ANKRD13D: variants seen among roughly 807,000 people sequenced by gnomAD.
ANKRD13D encodes the protein ankyrin repeat domain 13D.
Under a neutral mutation model 68.8 loss-of-function variants are expected in ANKRD13D, and 24 were observed. The observed-to-expected ratio is 0.35, with a 90% confidence interval of 0.25 to 0.49. The LOEUF is 0.49. Among genes scored for constraint, ANKRD13D ranks in the 20% least tolerant of loss-of-function variants. The pLI, the probability that ANKRD13D is intolerant of heterozygous loss-of-function variation, is 0.99. For synonymous variants in ANKRD13D, 331 were observed against 336.1 expected (o/e 0.98, Z 0.16); for missense variants, 735 against 832.1 (o/e 0.88, Z 1.44).
In ANKRD13D at chr11:67,299,173, G is replaced by A; in HGVS notation, c.798+49G>A. The A allele has an allele frequency of 6.3e-7, 1 of 1,592,662 alleles. No individual in the cohort carries two copies. Among genetic ancestry groups the A allele is most frequent in the Non-Finnish European group, 8.6e-7 (1 of 1,163,220 alleles). On this transcript the variant is annotated intron_variant, in intron 7 of 14. Transcript: ENST00000511455. This position sits in a 1 kb window ranked among gnomAD's most constrained non-coding sequence, Gnocchi z 6.2. The stretch of plus-strand genomic sequence containing the variant: ...GCTGGGGGTAGGAGATGAGGTCCAG[G>A]AACTCAGCTCCTCTCCACATCCATC...
At position 67,289,385 on chromosome 11, in the gene ANKRD13D, G is replaced by C; in HGVS notation, c.-76G>C. 9.0e-7 allele frequency: 1 copy of C among 1,105,390 alleles called. No individual in the cohort carries two copies. The highest frequency in any genetic ancestry group is 1.1e-6 in the Non-Finnish European group (1 of 881,986). The allele number at this position is 1,105,390 out of a possible 1,614,324, so 68.5% of individuals were successfully genotyped here. ...GCCGCGGGGGGCGCAGCTGGGGCGC[G>C]GCTCGGAGGGGAGGCTAGGGGGCCG... On this transcript the variant is annotated 5_prime_UTR_variant, in exon 1 of 15. Coordinates refer to ENST00000511455, the MANE Select transcript of ANKRD13D (RefSeq NM_207354.3).
In ANKRD13D at chr11:67,289,360, G is replaced by A. The variant is rs950099287; in HGVS notation, c.-101G>A. 1.3e-4 allele frequency: 110 copies of A among 847,486 alleles called. No individual in the cohort carries two copies. The highest frequency in any genetic ancestry group is 1.6e-4 in the Non-Finnish European group (108 of 674,158). 52.5% of individuals were successfully genotyped at this position (847,486 alleles called of 1,614,324 possible). ...CGCCGCCGCCGCTACTGCTGCGGGG[G>A]CCGCGGGGGGCGCAGCTGGGGCGCG... On this transcript the variant is annotated 5_prime_UTR_variant, in exon 1 of 15. Coordinates refer to ENST00000511455, the MANE Select transcript of ANKRD13D (RefSeq NM_207354.3).
In ANKRD13D at chr11:67,299,508, C is replaced by A. The variant is rs565975198; in HGVS notation, c.799-22C>A. 6.1e-5 allele frequency: 95 copies of A among 1,547,190 alleles called. No individual in the cohort carries two copies. The highest frequency in any genetic ancestry group is 7.4e-5 in the Non-Finnish European group (85 of 1,144,174). On this transcript the variant is annotated intron_variant, in intron 7 of 14. Coordinates refer to ENST00000511455, the MANE Select transcript of ANKRD13D (RefSeq NM_207354.3). This position sits in a 1 kb window ranked among gnomAD's most constrained non-coding sequence, Gnocchi z 6.2. ...GGGAGCAGGCTCTGAGCCCCCAGCT[C>A]CCCGTGTCCCCTGCTCCCCAGGTGT...
At position 67,300,291 on chromosome 11, in the gene ANKRD13D, G is replaced by A; in HGVS notation, c.1073+168G>A. 1 of 948,278 alleles carries A rather than the reference G, an allele frequency of 1.1e-6. No individual in the cohort carries two copies. The highest frequency in any genetic ancestry group is 1.5e-6 in the Non-Finnish European group (1 of 660,384). The allele number at this position is 948,278 out of a possible 1,614,324, so 58.7% of individuals were successfully genotyped here. A position where few individuals can be genotyped will look rare whatever the true frequency, so the allele number is the denominator to read the frequency against. On this transcript the variant is annotated intron_variant, in intron 10 of 14. Transcript: ENST00000511455. The surrounding 1 kb of genome is among the most constrained non-coding windows in gnomAD (Gnocchi z 4.3). ...CCTTATCCATGGTCCTCAGCCCTTA[G>A]CAAGGGGCTTGGCACAGAAAACCGG...
At chr11:67,294,053 G>C (rs376674607) in intron 6 of ANKRD13D, among the ~76,000 whole-genome samples, 1 of 152,056 alleles carries the variant, frequency 6.6e-6, no homozygotes, top group Non-Finnish European at 1.5e-5. Flanking sequence ...TAGATAAATT[G>C]GTTACTTTCT....
At position 67,290,078 on chromosome 11, in the gene ANKRD13D, CACG is replaced by C; in HGVS notation, c.94_96del (p.Asp32del). On this transcript the variant is annotated inframe_deletion and splice_region_variant, in exon 2 of 15. Coordinates refer to ENST00000511455, the MANE Select transcript of ANKRD13D (RefSeq NM_207354.3). Reference sequence around the variant, plus strand: ...TTTGTGAGTGTCCCGTCTCCCCCAGCACGACATTGAACAGGAGGACCCCCGCGG... The same window carrying C: ...TTTGTGAGTGTCCCGTCTCCCCCAGCACATTGAACAGGAGGACCCCCGCGG... The C allele has an allele frequency of 6.5e-7, 1 of 1,536,782 alleles. No homozygotes were observed. Among genetic ancestry groups the C allele is most frequent in the Non-Finnish European group, 8.7e-7 (1 of 1,146,624 alleles).
intron 5 of ANKRD13D, 39 bp from the exon 6 acceptor site, chr11:67,291,952 T>C: frequency 6.5e-7 from 1 of 1,544,014 alleles, no homozygotes; most frequent in Non-Finnish European, 8.7e-7. Context: ...CGCCCAGCAC[T>C]GATTTGCGCC....
rs1440933059 is a variant in ANKRD13D, at chr11:67,301,374, C to T, written c.1324C>T (p.Pro442Ser). ...EPLSSVWVPA[P>S]SSAVAASGNP... The stretch of plus-strand genomic sequence containing the variant: ...CCTGAGCTCCGTGTGGGTGCCGGCC[C>T]CCAGCTCTGCTGTTGCCGCATCAGG... The change falls in exon 12 of 15, where the codon CCC becomes TCC. Residue 442 changes from proline (P) to serine (S), a missense_variant. Coordinates refer to ENST00000511455, the MANE Select transcript of ANKRD13D (RefSeq NM_207354.3). The surrounding 1 kb of genome is among the most constrained non-coding windows in gnomAD (Gnocchi z 4.5). 1.2e-6 allele frequency: 2 copies of T among 1,613,154 alleles called. No homozygotes were observed. The highest frequency in any genetic ancestry group is 4.5e-5 in the East Asian group (2 of 44,870).
chr11:67,300,284 G>A lies in ANKRD13D; in HGVS notation c.1073+161G>A. ...ATGTCTGCCTTATCCATGGTCCTCAGCCCTTAGCAAGGGGCTTGGCACAGA... is the reference window on the plus strand; with the variant it reads ...ATGTCTGCCTTATCCATGGTCCTCAACCCTTAGCAAGGGGCTTGGCACAGA... On this transcript the variant is annotated intron_variant, in intron 10 of 14. Transcript: ENST00000511455. This position sits in a 1 kb window ranked among gnomAD's most constrained non-coding sequence, Gnocchi z 4.3. 1 of 1,041,716 alleles carries A rather than the reference G, an allele frequency of 9.6e-7. No homozygotes were observed. 64.5% of individuals were successfully genotyped at this position (1,041,716 alleles called of 1,614,324 possible).
Position 67,291,632 on chromosome 11 carries a change from G to A in ANKRD13D, c.427G>A (p.Asp143Asn), listed in dbSNP as rs971007162. The A allele has an allele frequency of 1.1e-5, 17 of 1,614,060 alleles. No homozygotes were observed. The highest frequency in any genetic ancestry group is 2.2e-5 in the East Asian group (1 of 44,880). The change falls in exon 5 of 15, where the codon GAT (aspartate) becomes AAT (asparagine). Residue 143 changes from aspartate (D) to asparagine (N), a missense_variant. Coordinates refer to ENST00000511455, the MANE Select transcript of ANKRD13D (RefSeq NM_207354.3). ...VPLVSKMCPS[D>N]VYRVWKRGES... ...CCTTGTGTCTAAGATGTGCCCAAGC[G>A]ATGTGTACCGCGTGTGGAAGCGGGG...
rs756267653 is a variant in ANKRD13D, at chr11:67,301,003, CTG to C, written c.1090_1091del (p.Trp364AlafsTer3). 5.6e-6 allele frequency: 9 copies of C among 1,613,884 alleles called. No individual in the cohort carries two copies. In the Admixed American group the frequency reaches 8.3e-5, roughly 15 times the overall value. On this transcript the variant is annotated frameshift_variant, in exon 11 of 15. Transcript: ENST00000511455. LOFTEE classifies it high-confidence loss of function. This position sits in a 1 kb window ranked among gnomAD's most constrained non-coding sequence, Gnocchi z 4.5. ...SSKVQRFKAT[L>X]WLSEEHPLSL... The stretch of plus-strand genomic sequence containing the variant: ...TCGGCTGGGCAGGTTCAAGGCAACA[CTG>C]TGGCTGAGTGAAGAGCACCCGCTCT...
rs371391783 is a variant in ANKRD13D, at chr11:67,301,589, G to A, written c.1450G>A (p.Asp484Asn). The A allele has an allele frequency of 5.0e-6, 8 of 1,612,776 alleles. No homozygotes were observed. In the African/African-American group the frequency reaches 5.3e-5, roughly 11 times the overall value. The change falls in exon 13 of 15, where the codon GAT (aspartate) becomes AAT (asparagine). Residue 484 changes from aspartate to asparagine, a missense_variant. Physicochemically the swap from Asp to Asn is conservative, Grantham distance 23. Coordinates refer to ENST00000511455, the MANE Select transcript of ANKRD13D (RefSeq NM_207354.3). This position sits in a 1 kb window ranked among gnomAD's most constrained non-coding sequence, Gnocchi z 4.5. ...ERNEPLRDEDDDLLQFAIQQS... is the reference protein window; with the variant it reads ...ERNEPLRDEDNDLLQFAIQQS... ...CAACGAGCCCCTCCGGGACGAGGAC[G>A]ATGACCTCCTGCAGTTCGCCATCCA...
intron 3 of ANKRD13D, chr11:67,290,717 G>A (rs1860499341): frequency 2.4e-6 from 1 of 422,956 alleles, no homozygotes; most frequent in Non-Finnish European, 4.3e-6. Flanking sequence ...GGGACTTCAG[G>A]TTGACTCGGT....
In ANKRD13D at chr11:67,289,436, C is replaced by G. The variant is rs1441156871; in HGVS notation, c.-25C>G. On this transcript the variant is annotated 5_prime_UTR_variant, in exon 1 of 15. Coordinates refer to ENST00000511455, the MANE Select transcript of ANKRD13D (RefSeq NM_207354.3). ...TGCCAGGCCCGAAGCCGAGGCGGGG[C>G]CGGGATGCGGCGCTGAGGCCCAGCA... The G allele has an allele frequency of 1.4e-6, 2 of 1,403,436 alleles. No individual in the cohort carries two copies. Among genetic ancestry groups the G allele is most frequent in the Admixed American group, 2.9e-5 (1 of 35,022 alleles). The allele number at this position is 1,403,436 out of a possible 1,614,324, so 86.9% of individuals were successfully genotyped here. A position where few individuals can be genotyped will look rare whatever the true frequency, so the allele number is the denominator to read the frequency against.
Position 67,300,640 on chromosome 11 carries a change from G to A in ANKRD13D, c.1074-350G>A, listed in dbSNP as rs1407792263. ...GCCCTGGGGTGTGCTGGACATAAAA[G>A]TTTGGCAACACGTGAGCTGGTGACC... On this transcript the variant is annotated intron_variant, in intron 10 of 14. Coordinates refer to ENST00000511455, the MANE Select transcript of ANKRD13D (RefSeq NM_207354.3). This position sits in a 1 kb window ranked among gnomAD's most constrained non-coding sequence, Gnocchi z 4.3. The A allele has an allele frequency of 1.3e-5, 6 of 456,740 alleles. No homozygotes were observed. Among genetic ancestry groups the A allele is most frequent in the African/African-American group, 2.0e-5 (1 of 50,150 alleles). 28.3% of individuals were successfully genotyped at this position (456,740 alleles called of 1,614,324 possible).
In ANKRD13D at chr11:67,299,049, C is replaced by T. The variant is rs1860869944; in HGVS notation, c.732-9C>T. 6.2e-7 allele frequency: 1 copy of T among 1,602,550 alleles called. No individual in the cohort carries two copies. Among genetic ancestry groups the T allele is most frequent in the East Asian group, 2.3e-5 (1 of 44,000 alleles). On this transcript the variant is annotated splice_polypyrimidine_tract_variant and intron_variant, in intron 6 of 14. Transcript: ENST00000511455. The surrounding 1 kb of genome is among the most constrained non-coding windows in gnomAD (Gnocchi z 6.2). ...CAGGTCTCACCAGCTCCTGTTTGGTCTGTTTCAGGAACAAATGTGGTATCT... is the reference window on the plus strand; with the variant it reads ...CAGGTCTCACCAGCTCCTGTTTGGTTTGTTTCAGGAACAAATGTGGTATCT...
In ANKRD13D at chr11:67,300,568, T is replaced by C. The variant is rs1860939429; in HGVS notation, c.1074-422T>C. 1 of 357,772 alleles carries C rather than the reference T, an allele frequency of 2.8e-6. No homozygotes were observed. Among genetic ancestry groups the C allele is most frequent in the African/African-American group, 2.1e-5 (1 of 48,002 alleles). 22.2% of individuals were successfully genotyped at this position (357,772 alleles called of 1,614,324 possible). A position where few individuals can be genotyped will look rare whatever the true frequency, so the allele number is the denominator to read the frequency against. The stretch of plus-strand genomic sequence containing the variant: ...GCTCTCCCCACCATCTCAGGAGGAT[T>C]CTCTTAGCCACCCAACAGTCGCTGG... On this transcript the variant is annotated intron_variant, in intron 10 of 14. Coordinates refer to ENST00000511455, the MANE Select transcript of ANKRD13D (RefSeq NM_207354.3). The surrounding 1 kb of genome is among the most constrained non-coding windows in gnomAD (Gnocchi z 4.3).
chr11:67,296,572 C>T (rs1266148278), intron 6 of ANKRD13D, among the ~76,000 whole-genome samples: 1 of 152,072 alleles, frequency 6.6e-6, no homozygotes, highest in African/African-American at 2.4e-5. Flanking sequence ...TGTTGCTCCC[C>T]TCTTTCATTT....
chr11:67,290,185 G>T lies in ANKRD13D; in HGVS notation c.198G>T (p.Val66=). 2.6e-6 allele frequency: 4 copies of T among 1,537,744 alleles called. No homozygotes were observed. Among genetic ancestry groups the T allele is most frequent in the Non-Finnish European group, 3.5e-6 (4 of 1,146,890 alleles). The change falls in exon 2 of 15, where the codon GTG becomes GTT. Residue 66 remains valine, a synonymous_variant. Coordinates refer to ENST00000511455, the MANE Select transcript of ANKRD13D (RefSeq NM_207354.3). ...VRVLLRHNAN[V]GKENRQGWAV... ...TGCTCCTTCGACACAATGCCAACGT[G>T]GGCAAAGAGAACCGCCAGGGCTGGG... is the stretch of plus-strand genomic sequence containing the variant.
Sources: gnomAD v4.1 joint callset for allele counts (sites outside exome capture counted in the v4.1 genomes callset) on GRCh38, gnomAD v4.1.1 for gene constraint, Gnocchi (gnomAD v3.1) non-coding constraint, MANE v1.5 for transcripts, NCBI Gene and HGNC (gene_info 2026-07-23, HGNC 2026-07-21) for gene names.